ARHGAP6: variants seen among roughly 807,000 people sequenced by gnomAD.
The protein encoded by ARHGAP6 is rho GTPase-activating protein 6.
A neutral mutation model predicts 55.7 loss-of-function variants in ARHGAP6; 16 were observed. That is an observed-to-expected ratio of 0.29 (90% CI 0.19 to 0.44). The LOEUF (loss-of-function observed/expected upper bound fraction) is 0.44. Among genes scored for constraint, ARHGAP6 ranks in the 20% least tolerant of loss-of-function variants. ARHGAP6 has a pLI of 1.00. For synonymous variants in ARHGAP6, 382 were observed against 360.9 expected (o/e 1.06, Z -0.66); for missense variants, 698 against 808.9 (o/e 0.86, Z 1.66).
intron 1 of ARHGAP6, chrX:11,351,345 C>A: frequency 1.0e-6 from 1 of 960,502 alleles, no homozygotes; most frequent in Non-Finnish European, 1.3e-6. Context: ...ACATTCATAT[C>A]ATATAACTAA....
At chrX:11,400,640 C>A (rs193121780) in intron 1 of ARHGAP6, among the ~76,000 whole-genome samples, 2 of 110,705 alleles carry the variant, frequency 1.8e-5, no homozygotes, top group East Asian at 5.7e-4. Context: ...CTTTAAAACA[C>A]CAACTTTTAG....
intron 3 of ARHGAP6, among the ~76,000 whole-genome samples, chrX:11,190,520 C>T (rs868584379): frequency 1.2e-5 from 1 of 81,086 alleles, no homozygotes; most frequent in Non-Finnish European, 2.5e-5. Context: ...TATACACATA[C>T]ATACACACAC....
chrX:11,335,872 C>G (rs1015737489), intron 1 of ARHGAP6: 1 of 194,274 alleles, frequency 5.1e-6, no homozygotes, highest in African/African-American at 3.1e-5. Context: ...CAGCGATCCC[C>G]TAGAGGACAC....
chrX:11,310,150 G>C (rs1470286490), intron 1 of ARHGAP6, among the ~76,000 whole-genome samples: 2 of 59,673 alleles, frequency 3.4e-5, no homozygotes, highest in African/African-American at 1.5e-4. Flanking sequence ...GACAGAGTGA[G>C]ACTCTATCTC....
At chrX:11,142,123 C>T in intron 12 of ARHGAP6, 110 bp downstream of exon 12, 1 of 467,707 alleles carries the variant, frequency 2.1e-6, no homozygotes, top group Non-Finnish European at 3.4e-6. Flanking sequence ...CTCCCATTTT[C>T]AGCATTTCCC....
intron 1 of ARHGAP6, among the ~76,000 whole-genome samples, chrX:11,459,773 C>A (rs1207632714): frequency 8.9e-6 from 1 of 111,739 alleles, no homozygotes; most frequent in Non-Finnish European, 1.9e-5. Context: ...GTTTCTAATT[C>A]ATGGGCCAAG....
chrX:11,520,131 T>TTATATATATATATATA (rs1160731443), intron 1 of ARHGAP6, among the ~76,000 whole-genome samples: 5 of 18,261 alleles, frequency 2.7e-4, no homozygotes, highest in Admixed American at 6.9e-4. Flanking sequence ...AGAATTGATT[T>TTATATATATATATATA]TATATATATA....
intron 1 of ARHGAP6, among the ~76,000 whole-genome samples, chrX:11,381,962 C>A (rs12012469): frequency 0.059 from 6,625 of 111,812 alleles, 204 homozygotes; most frequent in African/African-American, 0.12. Context: ...AGACAAGTAA[C>A]ATTAATGTTA....
In ARHGAP6 at chrX:11,138,575, A is replaced by C. The variant is rs1333285379; in HGVS notation, c.*288T>G. 15 of 376,098 alleles carry C rather than the reference A, an allele frequency of 4.0e-5. No individual in the cohort carries two copies. In the Admixed American group the frequency reaches 7.8e-4, roughly 19 times the overall value. 31.0% of individuals were successfully genotyped at this position (376,098 alleles called of 1,213,427 possible). A position where few individuals can be genotyped will look rare whatever the true frequency, so the allele number is the denominator to read the frequency against. On this transcript the variant is annotated 3_prime_UTR_variant, in exon 13 of 13. Transcript: ENST00000337414. ...TAAATACGGTTAGGCTATACCAAGC[A>C]AGAGTTGTATCTTATATTATAGAGC...
intron 1 of ARHGAP6, among the ~76,000 whole-genome samples, chrX:11,301,637 A>G (rs892107144): frequency 1.8e-5 from 2 of 111,970 alleles, no homozygotes; most frequent in African/African-American, 6.5e-5. Flanking sequence ...TTTAGATTCA[A>G]TTTTTTAAAG....
intron 1 of ARHGAP6, among the ~76,000 whole-genome samples, chrX:11,623,174 T>C (rs1455371872): frequency 1.8e-5 from 2 of 111,701 alleles, no homozygotes; most frequent in Non-Finnish European, 3.8e-5. Context: ...CTAAAGACTC[T>C]TTAAAAAAAT....
At chrX:11,658,365 A>G (rs1237269356) in intron 1 of ARHGAP6, among the ~76,000 whole-genome samples, 1 of 111,588 alleles carries the variant, frequency 9.0e-6, no homozygotes. Context: ...CCTGAGAGAG[A>G]GTGTATGTGT....
intron 1 of ARHGAP6, chrX:11,300,537 G>T (rs2048158464): frequency 1.1e-6 from 1 of 914,643 alleles, no homozygotes; most frequent in Non-Finnish European, 1.6e-6. Context: ...AGCCAGACAT[G>T]TTATTGTAAA....
intron 4 of ARHGAP6, among the ~76,000 whole-genome samples, chrX:11,187,037 A>G (rs749802354): frequency 9.0e-6 from 1 of 110,986 alleles, no homozygotes; most frequent in African/African-American, 3.3e-5. Context: ...CTTTCTGGGG[A>G]GCTCTAGGAG....
chrX:11,180,451 A>C (rs2046300220), intron 6 of ARHGAP6, among the ~76,000 whole-genome samples: 1 of 110,740 alleles, frequency 9.0e-6, no homozygotes, highest in Non-Finnish European at 1.9e-5. Flanking sequence ...GTAAAGAGGC[A>C]AAGTCCCTCT....
At chrX:11,414,199 G>A (rs1005608472) in intron 1 of ARHGAP6, among the ~76,000 whole-genome samples, 1 of 112,180 alleles carries the variant, frequency 8.9e-6, no homozygotes, top group Admixed American at 9.5e-5. Context: ...TTTAGGCTTT[G>A]CAAGCCATGC....
intron 1 of ARHGAP6, among the ~76,000 whole-genome samples, chrX:11,605,378 G>C (rs1353644008): frequency 2.7e-5 from 3 of 111,590 alleles, no homozygotes; most frequent in African/African-American, 9.8e-5. Context: ...CCTGGTGATA[G>C]AGACACTGGT....
intron 1 of ARHGAP6, among the ~76,000 whole-genome samples, chrX:11,331,728 T>A (rs978073111): frequency 8.9e-6 from 1 of 112,037 alleles, no homozygotes; most frequent in African/African-American, 3.2e-5. Context: ...GCTATAGATA[T>A]GTTACTGATT....
At chrX:11,462,678 C>T (rs2050256791) in intron 1 of ARHGAP6, among the ~76,000 whole-genome samples, 1 of 112,255 alleles carries the variant, frequency 8.9e-6, no homozygotes, top group African/African-American at 3.2e-5. Context: ...AGAAAGCAGC[C>T]ATTTCATCCC....
Sources: allele counts gnomAD v4.1 joint callset (sites outside exome capture counted in the v4.1 genomes callset), GRCh38; gene constraint gnomAD v4.1.1; transcripts MANE v1.5; gene names NCBI Gene and HGNC (gene_info 2026-07-23, HGNC 2026-07-21).